The following CD200R1 variants were observed in gnomAD, a reference collection of about 807,000 sequenced individuals.
The protein encoded by CD200R1 is cell surface glycoprotein CD200 receptor 1.
A neutral mutation model predicts 38.1 loss-of-function variants in CD200R1; 30 were observed. The observed-to-expected ratio is 0.79, with a 90% confidence interval of 0.59 to 1.07. The LOEUF is 1.07. Among genes scored for constraint, CD200R1 ranks in the 50% least tolerant of loss-of-function variants. CD200R1 has a pLI of 0.00. For synonymous variants in CD200R1, 128 were observed against 152.1 expected, an observed-to-expected ratio of 0.84 and a Z score of 1.16; for missense variants, 372 against 415.4, an observed-to-expected ratio of 0.90 and a Z score of 0.91.
At chr3:112,964,226 G>A (rs1182422488) in intron 1 of CD200R1, among the ~76,000 whole-genome samples, 2 of 152,204 alleles carry the variant, frequency 1.3e-5, no homozygotes, top group African/African-American at 4.8e-5. Flanking sequence ...CCCCCACACA[G>A]AGTCCCTACT....
intron 1 of CD200R1, among the ~76,000 whole-genome samples, chr3:112,956,351 G>T (rs756165366): frequency 3.5e-4 from 52 of 149,726 alleles, no homozygotes; most frequent in African/African-American, 8.8e-4. Context: ...AGGATTTCTG[G>T]TTTTTTTTTA....
chr3:112,967,621 A>T (rs1260718054), intron 1 of CD200R1, among the ~76,000 whole-genome samples: 1 of 152,236 alleles, frequency 6.6e-6, no homozygotes, highest in Non-Finnish European at 1.5e-5. Flanking sequence ...AGTGACTGAT[A>T]CATGACAGAC....
chr3:112,950,578 T>G (rs1940953796), intron 1 of CD200R1, among the ~76,000 whole-genome samples: 1 of 152,210 alleles, frequency 6.6e-6, no homozygotes, highest in Non-Finnish European at 1.5e-5. Context: ...CACACTGACC[T>G]AATTCATATT....
intron 1 of CD200R1, among the ~76,000 whole-genome samples, chr3:112,952,842 A>G (rs2107330165): frequency 6.6e-6 from 1 of 152,262 alleles, no homozygotes; most frequent in Middle Eastern, 3.4e-3. Context: ...AGTTTCCCAT[A>G]TATAAGACCA....
intron 2 of CD200R1, among the ~76,000 whole-genome samples, chr3:112,934,106 G>A (rs915528699): frequency 6.6e-6 from 1 of 152,074 alleles, no homozygotes. Context: ...TTGGGAGAGA[G>A]AGAGAGATTC....
intron 1 of CD200R1, among the ~76,000 whole-genome samples, chr3:112,965,557 T>G (rs919872071): frequency 3.9e-5 from 6 of 152,164 alleles, no homozygotes; most frequent in Admixed American, 3.9e-4. Context: ...GGTCAACAGA[T>G]GGAGACCATC....
intron 2 of CD200R1, among the ~76,000 whole-genome samples, chr3:112,943,430 A>C (rs1940771899): frequency 6.6e-6 from 1 of 151,778 alleles, no homozygotes; most frequent in Non-Finnish European, 1.5e-5. Context: ...TTTTAAATAA[A>C]TGAAAATGAA....
intron 2 of CD200R1, among the ~76,000 whole-genome samples, chr3:112,940,718 A>G (rs998709910): frequency 2.0e-5 from 3 of 151,850 alleles, no homozygotes; most frequent in African/African-American, 7.2e-5. Flanking sequence ...AAACTAATAC[A>G]GTCTCTATGA....
Position 112,929,311 on chromosome 3 carries a change from T to G in CD200R1, c.399A>C (p.Arg133Ser). The change falls in exon 4 of 8, where the codon AGA (arginine) becomes AGC (serine). Residue 133 changes from arginine to serine, a missense_variant. By Grantham distance (110) the Arg-to-Ser change is moderately radical (BLOSUM62 -1). Transcript: ENST00000308611. ...TCTGAAGGTCCGAATTCTGATCAGG[T>G]CTGGAGACCCAGGTTATTCTCTCAT... ...CTDERITWVS[R>S]PDQNSDLQIR... The G allele has an allele frequency of 6.2e-7, 1 of 1,614,172 alleles. No homozygotes were observed. The highest frequency in any genetic ancestry group is 8.5e-7 in the Non-Finnish European group (1 of 1,180,006).
At chr3:112,932,165 G>C (rs759517832) in intron 2 of CD200R1, among the ~76,000 whole-genome samples, 2 of 152,112 alleles carry the variant, frequency 1.3e-5, no homozygotes, top group Non-Finnish European at 2.9e-5. Context: ...GCTGCAGCAA[G>C]GGGCCACCAT....
intron 1 of CD200R1, among the ~76,000 whole-genome samples, chr3:112,969,372 A>C (rs947561587): frequency 2.0e-5 from 3 of 152,200 alleles, no homozygotes; most frequent in Admixed American, 2.0e-4. Context: ...ACTAGAAACA[A>C]TAACAGAAAT....
intron 2 of CD200R1, among the ~76,000 whole-genome samples, chr3:112,933,162 G>T (rs1316035102): frequency 1.3e-5 from 2 of 152,176 alleles, no homozygotes; most frequent in Admixed American, 1.3e-4. Flanking sequence ...CAGCAGACAT[G>T]CCCCCAGACT....
chr3:112,956,918 A>C (rs1487123053), intron 1 of CD200R1, among the ~76,000 whole-genome samples: 1 of 152,178 alleles, frequency 6.6e-6, no homozygotes. Context: ...CAAGGTGCTG[A>C]CTGAGTTTGC....
intron 2 of CD200R1, among the ~76,000 whole-genome samples, chr3:112,946,677 T>C (rs552757087): frequency 6.6e-6 from 1 of 152,276 alleles, no homozygotes; most frequent in East Asian, 1.9e-4. Flanking sequence ...AGGAACTTAA[T>C]TGGTAGCAGG....
At chr3:112,955,634 G>A (rs987990806) in intron 1 of CD200R1, among the ~76,000 whole-genome samples, 22 of 151,326 alleles carry the variant, frequency 1.5e-4, no homozygotes, top group East Asian at 7.8e-4. Context: ...TCAGCCTCCC[G>A]AGTAGCTGGG....
intron 1 of CD200R1, among the ~76,000 whole-genome samples, chr3:112,959,002 G>C (rs764062736): frequency 1.3e-5 from 2 of 151,924 alleles, no homozygotes. Flanking sequence ...AAAAAAAAAG[G>C]CTCTCAGAAA....
At chr3:112,974,702 G>A (rs949920607) in intron 1 of CD200R1, 89 bp downstream of exon 1, 4 of 846,586 alleles carry the variant, frequency 4.7e-6, no homozygotes, top group Middle Eastern at 2.2e-4. Context: ...CAATTGATTT[G>A]TATTGCCCCA....
chr3:112,940,882 A>G (rs1940710043), intron 2 of CD200R1, among the ~76,000 whole-genome samples: 1 of 152,052 alleles, frequency 6.6e-6, no homozygotes, highest in Admixed American at 6.6e-5. Flanking sequence ...TATTCACAAT[A>G]GCCAAGACAG....
chr3:112,937,508 C>T (rs1019032482), intron 2 of CD200R1, among the ~76,000 whole-genome samples: 8 of 152,032 alleles, frequency 5.3e-5, no homozygotes, highest in Admixed American at 2.6e-4. Context: ...TGTAGGTGTG[C>T]GGTGTTATTT....
Sources: allele counts gnomAD v4.1 joint callset (sites outside exome capture counted in the v4.1 genomes callset), GRCh38; gene constraint gnomAD v4.1.1; transcripts MANE v1.5; gene names NCBI Gene and HGNC (gene_info 2026-07-23, HGNC 2026-07-21).